MAP3K9: variants seen among roughly 807,000 people sequenced by gnomAD.
The protein encoded by MAP3K9 is mitogen-activated protein kinase kinase kinase 9, also known as mixed lineage kinase 1 (tyr and ser/thr specificity).
A neutral mutation model predicts 95.8 loss-of-function variants in MAP3K9; 46 were observed. The ratio of observed to expected loss-of-function variants is 0.48; its 90% confidence interval spans 0.38 to 0.61. The LOEUF is 0.61. Among genes scored for constraint, MAP3K9 ranks in the 20% least tolerant of loss-of-function variants. The probability of loss-of-function intolerance (pLI) is 0.00; values close to 1 mark genes in which losing one functional copy is unlikely to be tolerated. For missense variants in MAP3K9, 1,296 were observed against 1,474.3 expected (o/e 0.88, Z 1.98); for synonymous variants, 533 against 593.8 (o/e 0.90, Z 1.49).
rs201374334 is a variant in MAP3K9, at chr14:70,772,381, TAGAG to T, written c.821-11203_821-11200del. ...ATGAATGGGTACAAAACACCCCTCA[TAGAG>T]AGAGAGAGAGAGCATTCAATACAGT... On this transcript the variant is annotated intron_variant, in intron 2 of 11. Transcript: ENST00000554752. Among the ~76,000 whole-genome samples, 22 of 149,732 alleles carry T rather than the reference TAGAG, an allele frequency of 1.5e-4. 1 individual carries two copies. In the East Asian group the frequency reaches 3.9e-3, roughly 27 times the overall value.
At chr14:70,761,232 G>C in intron 2 of MAP3K9, 50 bp from the exon 3 acceptor site, 1 of 1,474,918 alleles carries the variant, frequency 6.8e-7, no homozygotes, top group African/African-American at 1.4e-5. Flanking sequence ...ATTAATCACA[G>C]GGAAACCACA....
At position 70,722,590 on chromosome 14, in the gene MAP3K9, G is replaced by A. The variant is rs1473193592; in HGVS notation, c.*7790C>T. On this transcript the variant is annotated 3_prime_UTR_variant, in exon 12 of 12. Coordinates refer to ENST00000554752, the MANE Select transcript of MAP3K9 (RefSeq NM_001284230.2). ...TGGCATTGAGACCAGGCTGAGATCA[G>A]CATTACACTGTAATACAATAAGAGG... 6.6e-6 allele frequency: 1 copy of A among 151,680 alleles called. No homozygotes were observed. The highest frequency in any genetic ancestry group is 1.5e-5 in the Non-Finnish European group (1 of 68,000). The allele number at this position is 151,680 out of a possible 1,614,324, so 9.4% of individuals were successfully genotyped here. A position where few individuals can be genotyped will look rare whatever the true frequency, so the allele number is the denominator to read the frequency against.
Position 70,809,393 on chromosome 14 carries a change from C to A in MAP3K9, c.-222G>T. On this transcript the variant is annotated 5_prime_UTR_variant, in exon 1 of 12. Coordinates refer to ENST00000554752, the MANE Select transcript of MAP3K9 (RefSeq NM_001284230.2). ...CTCTTCGCGCAGCCTAGGGGCGCAGCGGGCCGAGTCCCCGCCTGCCCGCTC... is the reference window on the plus strand; with the variant it reads ...CTCTTCGCGCAGCCTAGGGGCGCAGAGGGCCGAGTCCCCGCCTGCCCGCTC... 1 of 464,326 alleles carries A rather than the reference C, an allele frequency of 2.2e-6. No individual in the cohort carries two copies. Among genetic ancestry groups the A allele is most frequent in the Non-Finnish European group, 3.4e-6 (1 of 293,228 alleles). The allele number at this position is 464,326 out of a possible 1,614,324, so 28.8% of individuals were successfully genotyped here. A position where few individuals can be genotyped will look rare whatever the true frequency, so the allele number is the denominator to read the frequency against.
chr14:70,774,654 G>C (rs1335567345), intron 2 of MAP3K9, among the ~76,000 whole-genome samples: 1 of 151,156 alleles, frequency 6.6e-6, no homozygotes, highest in Admixed American at 6.6e-5. Flanking sequence ...GCGTGACAGA[G>C]AGAGACTCCA....
intron 1 of MAP3K9, among the ~76,000 whole-genome samples, chr14:70,801,597 G>A (rs753476770): frequency 2.6e-5 from 4 of 152,152 alleles, no homozygotes; most frequent in Non-Finnish European, 5.9e-5. Flanking sequence ...TGTACTCAGT[G>A]GTGAGAAGCA....
At chr14:70,765,735 T>TA (rs10523480) in intron 2 of MAP3K9, among the ~76,000 whole-genome samples, 5 of 122,328 alleles carry the variant, frequency 4.1e-5, no homozygotes, top group East Asian at 2.4e-4. Flanking sequence ...CAACAACAGC[T>TA]AAAAAAAAAA....
Position 70,732,700 on chromosome 14 carries a change from C to T in MAP3K9, c.2669G>A (p.Arg890Gln), listed in dbSNP as rs148435060. The change falls in exon 11 of 12, where the codon CGA (arginine) becomes CAA (glutamine). Residue 890 changes from arginine (R) to glutamine (Q), a missense_variant. Arg to Gln is a conservative substitution (Grantham distance 43). This residue lies in a region of MAP3K9 where 433 missense variants were observed against 441.4 expected (regional missense o/e 0.98). Transcript: ENST00000554752. ...GGGAGTCAGAGATTGGTTAGGATCT[C>T]GTTTGAAGCGCTCTACTCGGACATT... is the stretch of plus-strand genomic sequence containing the variant. ...LVNVRVERFK[R>Q]DPNQSLTPTH... 416 of 1,600,590 alleles carry T rather than the reference C, an allele frequency of 2.6e-4. 1 individual carries two copies. In the African/African-American group the frequency reaches 4.3e-3, roughly 17 times the overall value.
chr14:70,798,826 G>A (rs182229338), intron 2 of MAP3K9, among the ~76,000 whole-genome samples: 4 of 152,106 alleles, frequency 2.6e-5, no homozygotes, highest in Admixed American at 1.3e-4. Context: ...GGGGTGGGGC[G>A]GGGATGAAAA....
At chr14:70,754,863 C>T (rs1388110606) in intron 3 of MAP3K9, among the ~76,000 whole-genome samples, 2 of 152,176 alleles carry the variant, frequency 1.3e-5, no homozygotes, top group Non-Finnish European at 1.5e-5. Context: ...GGACGATGCC[C>T]TCTGACAGTA....
intron 11 of MAP3K9, 139 bp downstream of exon 11, chr14:70,732,400 T>G: frequency 7.7e-7 from 1 of 1,306,572 alleles, no homozygotes; most frequent in African/African-American, 1.5e-5. Flanking sequence ...TGATCCCAGA[T>G]CTGTATTTCT....
chr14:70,748,712 G>A, intron 5 of MAP3K9, 117 bp downstream of exon 5: 2 of 744,108 alleles, frequency 2.7e-6, no homozygotes, highest in Non-Finnish European at 4.3e-6. Flanking sequence ...GGGCATGCTA[G>A]AATCAAGATG....
chr14:70,730,182 GAC>G lies in MAP3K9; in HGVS notation c.*196_*197del, dbSNP rs1208982780. ...GCTGATGGCCACAGCCCCTCCAGTG[GAC>G]ACGGGTAGAAAGGCCCTGCAGGGCA... is the stretch of plus-strand genomic sequence containing the variant. On this transcript the variant is annotated 3_prime_UTR_variant, in exon 12 of 12. Coordinates refer to ENST00000554752, the MANE Select transcript of MAP3K9 (RefSeq NM_001284230.2). The G allele has an allele frequency of 1.4e-6, 1 of 728,196 alleles. No individual in the cohort carries two copies. Among genetic ancestry groups the G allele is most frequent in the Non-Finnish European group, 2.2e-6 (1 of 462,390 alleles). The allele number at this position is 728,196 out of a possible 1,614,324, so 45.1% of individuals were successfully genotyped here. A position where few individuals can be genotyped will look rare whatever the true frequency, so the allele number is the denominator to read the frequency against.
rs1034427131 is a variant in MAP3K9 at position 70,809,096 on chromosome 14, C to T, written c.76G>A (p.Gly26Arg). 1.5e-5 allele frequency: 21 copies of T among 1,398,792 alleles called. No homozygotes were observed. Among genetic ancestry groups the T allele is most frequent in the Middle Eastern group, 2.5e-4 (1 of 4,038 alleles). The allele number at this position is 1,398,792 out of a possible 1,614,324, so 86.6% of individuals were successfully genotyped here. A position where few individuals can be genotyped will look rare whatever the true frequency, so the allele number is the denominator to read the frequency against. Residue 26 changes from glycine to arginine, a missense_variant, in exon 1 of 12, where the codon GGG becomes AGG. Gly to Arg is a moderately radical substitution (Grantham distance 125, BLOSUM62 -2). Around this residue, in one of 5 missense-constraint regions of MAP3K9, gnomAD observed 338 missense variants for 363.4 expected, o/e 0.93. Coordinates refer to ENST00000554752, the MANE Select transcript of MAP3K9 (RefSeq NM_001284230.2). ...TCCTCCTCCTCCTCGGCCCCGGCCC[C>T]TGCTCCATCCTCCCCCGGCGGGGCG... ...AAAPPGEDGA[G>R]AGAEEEEEEE...
intron 2 of MAP3K9, among the ~76,000 whole-genome samples, chr14:70,789,378 C>T (rs2139840711): frequency 6.6e-6 from 1 of 152,230 alleles, no homozygotes; most frequent in East Asian, 1.9e-4. Flanking sequence ...GGAAATTCAG[C>T]CATATCCTGT....
Position 70,730,585 on chromosome 14 carries a change from G to A in MAP3K9, c.3110C>T (p.Ala1037Val), listed in dbSNP as rs180995878. Residue 1037 changes from alanine (A) to valine (V), a missense_variant, in exon 12 of 12, where the codon GCT becomes GTT. Ala to Val is a moderately conservative substitution (Grantham distance 64, BLOSUM62 0). Coordinates refer to ENST00000554752, the MANE Select transcript of MAP3K9 (RefSeq NM_001284230.2). Reference protein sequence around the residue: ...ETPSNLDSCFASSSSTVEERP... With the variant: ...ETPSNLDSCFVSSSSTVEERP... Reference sequence around the variant, plus strand: ...CTCCTCTACAGTGCTGCTACTGCTAGCAAAGCAGGAGTCCAGGTTGCTGGG... The same window carrying A: ...CTCCTCTACAGTGCTGCTACTGCTAACAAAGCAGGAGTCCAGGTTGCTGGG... 355 of 1,614,054 alleles carry A rather than the reference G, an allele frequency of 2.2e-4. No individual in the cohort carries two copies. The Middle Eastern group carries it at 2.6e-3, about 12-fold the overall frequency.
Position 70,809,271 on chromosome 14 carries a change from A to G in MAP3K9, c.-100T>C. 8.3e-7 allele frequency: 1 copy of G among 1,212,076 alleles called. No individual in the cohort carries two copies. Among genetic ancestry groups the G allele is most frequent in the Non-Finnish European group, 1.0e-6 (1 of 971,506 alleles). The allele number at this position is 1,212,076 out of a possible 1,614,324, so 75.1% of individuals were successfully genotyped here. On this transcript the variant is annotated 5_prime_UTR_variant, in exon 1 of 12. Transcript: ENST00000554752. Reference sequence around the variant, plus strand: ...CGCAGAGCTGGGAGGACCCCCCCCCAACGACGGCGGCCGCAGGTAGGGCCC... The same window carrying G: ...CGCAGAGCTGGGAGGACCCCCCCCCGACGACGGCGGCCGCAGGTAGGGCCC...
rs780374496 is a variant in MAP3K9 at position 70,730,417 on chromosome 14, G to T, written c.3278C>A (p.Pro1093His). 3.7e-6 allele frequency: 6 copies of T among 1,613,908 alleles called. No homozygotes were observed. In the African/African-American group the frequency reaches 8.0e-5, roughly 22 times the overall value. ...LCRAELNTHR[P>H]APYEIQQEFW... Reference sequence around the variant, plus strand: ...CTCCTGCTGGATCTCATAAGGGGCAGGCCTGTGTGTGTTCAGTTCCGCTCT... The same window carrying T: ...CTCCTGCTGGATCTCATAAGGGGCATGCCTGTGTGTGTTCAGTTCCGCTCT... The change falls in exon 12 of 12, where the codon CCT becomes CAT. Residue 1093 changes from proline (P) to histidine (H), a missense_variant. By Grantham distance (77) the Pro-to-His change is moderately conservative. This residue lies in a region of MAP3K9 where 433 missense variants were observed against 441.4 expected (regional missense o/e 0.98). Transcript: ENST00000554752.
chr14:70,765,497 A>G (rs1348914719), intron 2 of MAP3K9: 1 of 684,202 alleles, frequency 1.5e-6, no homozygotes, highest in Admixed American at 2.1e-5. Flanking sequence ...TCTGTAAAGA[A>G]GTACCATTTT....
At position 70,742,562 on chromosome 14, in the gene MAP3K9, C is replaced by T. The variant is rs1990032; in HGVS notation, c.1356G>A (p.Thr452=). The T allele has an allele frequency of 4.3e-6, 7 of 1,614,138 alleles. No homozygotes were observed. Among genetic ancestry groups the T allele is most frequent in the South Asian group, 3.3e-5 (3 of 91,080 alleles). The stretch of plus-strand genomic sequence containing the variant: ...GGTTCTTCTGCTGCAGTGCAGCCCG[C>T]GTCAGCTCCTCCTCCCAGGTGCGAA... ...KELRTWEEEL[T]RAALQQKNQE... is the part of the protein sequence containing the mutation. The change falls in exon 6 of 12, where the codon ACG becomes ACA. Residue 452 remains threonine, a synonymous_variant. Transcript: ENST00000554752.
Sources: allele counts gnomAD v4.1 joint callset (sites outside exome capture counted in the v4.1 genomes callset), GRCh38; gene constraint gnomAD v4.1.1; regional missense constraint gnomAD v4.1.1; transcripts MANE v1.5; gene names NCBI Gene and HGNC (gene_info 2026-07-23, HGNC 2026-07-21).